CACNA2D2: variants seen among roughly 807,000 people sequenced by gnomAD.
CACNA2D2 encodes the protein calcium voltage-gated channel auxiliary subunit alpha2delta 2.
Under a neutral mutation model 166.4 loss-of-function variants are expected in CACNA2D2, and 48 were observed. That is an observed-to-expected ratio of 0.29 (90% CI 0.23 to 0.37). CACNA2D2 has a LOEUF of 0.37. Ranked by LOEUF, CACNA2D2 falls within the 10% of genes least tolerant of loss-of-function variation. The pLI is 1.00. For synonymous variants in CACNA2D2, 561 were observed against 573.7 expected (o/e 0.98, Z 0.32); for missense variants, 1,122 against 1,433.0 (o/e 0.78, Z 3.50).
At chr3:50,411,362 G>A (rs1707007251) in intron 3 of CACNA2D2, among the ~76,000 whole-genome samples, 1 of 152,184 alleles carries the variant, frequency 6.6e-6, no homozygotes, top group Admixed American at 6.5e-5. Flanking sequence ...TCCGTGGTCT[G>A]CACTTGGTGC....
intron 3 of CACNA2D2, among the ~76,000 whole-genome samples, chr3:50,413,013 G>A (rs955126592): frequency 1.3e-5 from 2 of 152,240 alleles, no homozygotes; most frequent in African/African-American, 4.8e-5. Context: ...CTGGCACGAG[G>A]GTGGACCCTC....
At position 50,429,883 on chromosome 3, in the gene CACNA2D2, G is replaced by A. The variant is rs561094414; in HGVS notation, c.405+4430C>T. 1.8e-4 allele frequency among the ~76,000 whole-genome samples: 28 copies of A among 152,046 alleles called. No homozygotes were observed. In the East Asian group the frequency reaches 3.3e-3, roughly 18 times the overall value. On this transcript the variant is annotated intron_variant, in intron 3 of 37. Transcript: ENST00000424201. ...TGCTGACCCCCCGAGAATCTGATGCGCTTGATCTGAAGCAGAAGCTGGGTG... is the reference window on the plus strand; with the variant it reads ...TGCTGACCCCCCGAGAATCTGATGCACTTGATCTGAAGCAGAAGCTGGGTG...
At chr3:50,369,937 C>T (rs587755419) in intron 23 of CACNA2D2, among the ~76,000 whole-genome samples, 111 of 152,312 alleles carry the variant, frequency 7.3e-4, no homozygotes, top group African/African-American at 2.6e-3. Context: ...CGATGGGGTG[C>T]GGGGTTGGGG....
At chr3:50,387,636 G>A (rs997077493) in intron 4 of CACNA2D2, 24 bp from the exon 5 acceptor site, 5 of 1,598,434 alleles carry the variant, frequency 3.1e-6, no homozygotes, top group Middle Eastern at 1.7e-4. Flanking sequence ...AGAGGCCTCA[G>A]CACTAGCTGC....
chr3:50,475,712 GC>G (rs1444063548), intron 2 of CACNA2D2, among the ~76,000 whole-genome samples: 1 of 151,952 alleles, frequency 6.6e-6, no homozygotes, highest in Non-Finnish European at 1.5e-5. Context: ...CTCAAGCACC[GC>G]TTTCGGGCTG....
chr3:50,479,514 T>C (rs560602357), intron 1 of CACNA2D2, among the ~76,000 whole-genome samples: 1 of 152,266 alleles, frequency 6.6e-6, no homozygotes, highest in African/African-American at 2.4e-5. Context: ...TTGTGGGTTC[T>C]AGGACTTCGC....
intron 2 of CACNA2D2, among the ~76,000 whole-genome samples, chr3:50,469,304 T>C (rs946591888): frequency 3.2e-4 from 48 of 152,082 alleles, no homozygotes; most frequent in African/African-American, 1.0e-3. Context: ...GCCAAAGAAA[T>C]CACGTACCCT....
chr3:50,452,351 G>A (rs1398167638), intron 2 of CACNA2D2, among the ~76,000 whole-genome samples: 4 of 152,238 alleles, frequency 2.6e-5, no homozygotes, highest in Admixed American at 2.6e-4. Flanking sequence ...CCATCTCAGA[G>A]TCTGACTCCA....
Position 50,380,759 on chromosome 3 carries a change from T to G in CACNA2D2, c.831A>C (p.Arg277=), listed in dbSNP as rs1267182887. 6.5e-7 allele frequency: 1 copy of G among 1,544,180 alleles called. No homozygotes were observed. Among genetic ancestry groups the G allele is most frequent in the African/African-American group, 1.4e-5 (1 of 72,400 alleles). ...APKKIDLYDV[R]RRPWYIQGAS... ...TCTTGCTCGCTCACCAGGGTCTCCT[T>G]CGGACATCGTACAGGTCGATCTTCT... Residue 277 remains arginine (R), a synonymous_variant, in exon 8 of 38, where the codon CGA becomes CGC. Coordinates refer to ENST00000424201, the MANE Select transcript of CACNA2D2 (RefSeq NM_006030.4). This position sits in a 1 kb window ranked among gnomAD's most constrained non-coding sequence, Gnocchi z 4.9.
rs1056451271 is a variant in CACNA2D2 at position 50,465,225 on chromosome 3, A to T, written c.288+10893T>A. ...TGGAAGGGGTAGATAGAATACGTAC[A>T]AATTACTGGCATAGTAATTGCTTTT... On this transcript the variant is annotated intron_variant, in intron 2 of 37. Transcript: ENST00000424201. 2.0e-5 allele frequency among the ~76,000 whole-genome samples: 3 copies of T among 152,266 alleles called. No homozygotes were observed. In the East Asian group the frequency reaches 5.8e-4, roughly 29 times the overall value.
intron 2 of CACNA2D2, among the ~76,000 whole-genome samples, chr3:50,443,948 T>C (rs1448058096): frequency 6.6e-6 from 1 of 152,108 alleles, no homozygotes; most frequent in African/African-American, 2.4e-5. Context: ...GGAGCTCTCA[T>C]GTGAGATGAA....
intron 3 of CACNA2D2, among the ~76,000 whole-genome samples, chr3:50,407,022 G>A (rs1575640001): frequency 6.6e-6 from 1 of 151,828 alleles, no homozygotes; most frequent in Non-Finnish European, 1.5e-5. Flanking sequence ...GGATATTGGT[G>A]CTTGTATCTA....
chr3:50,486,405 C>T (rs1418704163), intron 1 of CACNA2D2, among the ~76,000 whole-genome samples: 1 of 151,980 alleles, frequency 6.6e-6, no homozygotes, highest in East Asian at 1.9e-4. Flanking sequence ...ATCCTCCCCA[C>T]CCCCCAGCAT....
chr3:50,414,473 C>T (rs1162195957), intron 3 of CACNA2D2, among the ~76,000 whole-genome samples: 1 of 152,112 alleles, frequency 6.6e-6, no homozygotes, highest in East Asian at 1.9e-4. Flanking sequence ...GACCCTGCTG[C>T]CTCCTCTAGG....
At chr3:50,496,538 G>A (rs1575785751) in intron 1 of CACNA2D2, among the ~76,000 whole-genome samples, 1 of 152,368 alleles carries the variant, frequency 6.6e-6, no homozygotes, top group South Asian at 2.1e-4. Flanking sequence ...GCCTGGATGG[G>A]TGCTGGGTGC....
chr3:50,495,575 G>A (rs1327784954), intron 1 of CACNA2D2, among the ~76,000 whole-genome samples: 3 of 152,216 alleles, frequency 2.0e-5, no homozygotes, highest in African/African-American at 7.2e-5. Flanking sequence ...TGGAGAACAT[G>A]TGGAGGAATC....
chr3:50,399,247 G>GT lies in CACNA2D2; in HGVS notation c.406-5080dup, dbSNP rs571709262. 1.9e-3 allele frequency among the ~76,000 whole-genome samples: 289 copies of GT among 152,334 alleles called. 1 individual carries two copies. Among genetic ancestry groups the GT allele is most frequent in the South Asian group, 5.2e-3 (25 of 4,832 alleles). ...GGGAGTCCCTCCCTGCCCAGTGCTG[G>GT]TGGCCCAGAAGGGTCTGAGGAGCAA... is the stretch of plus-strand genomic sequence containing the variant. On this transcript the variant is annotated intron_variant, in intron 3 of 37. Transcript: ENST00000424201.
intron 2 of CACNA2D2, among the ~76,000 whole-genome samples, chr3:50,437,429 G>C (rs1195843266): frequency 6.6e-6 from 1 of 152,214 alleles, no homozygotes; most frequent in Admixed American, 6.5e-5. Context: ...CAGAATCCCA[G>C]AAGTGCAGGG....
At chr3:50,381,416 G>A (rs1266201830) in intron 6 of CACNA2D2, among the ~76,000 whole-genome samples, 3 of 152,226 alleles carry the variant, frequency 2.0e-5, no homozygotes, top group South Asian at 2.1e-4. Context: ...GAGAGGGGCT[G>A]CCCAGGTGGC....
Sources: gnomAD v4.1 joint callset for allele counts (sites outside exome capture counted in the v4.1 genomes callset) on GRCh38, gnomAD v4.1.1 for gene constraint, Gnocchi (gnomAD v3.1) non-coding constraint, MANE v1.5 for transcripts, NCBI Gene and HGNC (gene_info 2026-07-23, HGNC 2026-07-21) for gene names.